The following CELF2 variants were observed in gnomAD, a reference collection of about 807,000 sequenced individuals.
CELF2 encodes CUG triplet repeat RNA-binding protein 2.
CELF2 carries 8 observed loss-of-function variants against 62.6 expected under a neutral mutation model. The ratio of observed to expected loss-of-function variants is 0.13; its 90% CI spans 0.07 to 0.23. The LOEUF (loss-of-function observed/expected upper bound fraction) is 0.23, where lower values mean the gene tolerates loss of function less well. CELF2 is among the 10% of genes least tolerant of loss of function. The pLI, the probability that CELF2 is intolerant of heterozygous loss-of-function variation, is 1.00. For synonymous variants in CELF2, 258 were observed against 250.0 expected, an observed-to-expected ratio of 1.03 and a Z score of -0.30; for missense variants, 333 against 671.0, an observed-to-expected ratio of 0.50 and a Z score of 5.56.
At chr10:10,861,375 A>G (rs1354271966) in intron 1 of CELF2, among the ~76,000 whole-genome samples, 1 of 152,222 alleles carries the variant, frequency 6.6e-6, no homozygotes, top group Non-Finnish European at 1.5e-5. Context: ...TGCCTGGCCA[A>G]GAATGTATTC....
At chr10:10,561,673 A>G in the CELF2 span, among the ~76,000 whole-genome samples, 1 of 152,138 alleles carries the variant, frequency 6.6e-6, no homozygotes, top group Non-Finnish European at 1.5e-5. Flanking sequence ...ATGGCCACTC[A>G]CCTCAGCCTC....
chr10:10,693,579 A>C, the CELF2 span, among the ~76,000 whole-genome samples: 1 of 151,132 alleles, frequency 6.6e-6, no homozygotes, highest in African/African-American at 2.4e-5. Context: ...TAGTTTCAGA[A>C]GGAATGGTAC....
intron 1 of CELF2, among the ~76,000 whole-genome samples, chr10:11,058,969 C>CG (rs2066037158): frequency 1.3e-5 from 2 of 152,098 alleles, no homozygotes; most frequent in Middle Eastern, 3.4e-3. Flanking sequence ...TTTGTTGAGA[C>CG]GGGGGGTTTC....
At chr10:10,782,797 C>T in the CELF2 span, among the ~76,000 whole-genome samples, 6 of 152,168 alleles carry the variant, frequency 3.9e-5, no homozygotes, top group South Asian at 4.1e-4. Flanking sequence ...GGTTAGTCTG[C>T]GGTTTCTCAG....
At chr10:10,736,850 G>A in the CELF2 span, among the ~76,000 whole-genome samples, 3 of 152,028 alleles carry the variant, frequency 2.0e-5, no homozygotes, top group Non-Finnish European at 2.9e-5. Context: ...TGTTTGGATC[G>A]TGATGATTGG....
chr10:10,913,847 G>A (rs761898970), intron 1 of CELF2, among the ~76,000 whole-genome samples: 1 of 126,318 alleles, frequency 7.9e-6, no homozygotes, highest in African/African-American at 3.0e-5. Flanking sequence ...AGGAAGGAAG[G>A]AGGGAAGGAG....
At chr10:10,529,098 G>A in the CELF2 span, among the ~76,000 whole-genome samples, 11 of 152,104 alleles carry the variant, frequency 7.2e-5, no homozygotes, top group Non-Finnish European at 1.5e-4. Context: ...CTCATTAATG[G>A]CAATTTAAAT....
At chr10:11,175,205 G>A (rs1477117818) in intron 2 of CELF2, among the ~76,000 whole-genome samples, 1 of 152,096 alleles carries the variant, frequency 6.6e-6, no homozygotes, top group South Asian at 2.1e-4. Context: ...GTTTTTGAAG[G>A]ATATCAAGGA....
the CELF2 span, among the ~76,000 whole-genome samples, chr10:10,682,908 AGAATG>A: frequency 3.6e-4 from 55 of 152,234 alleles, no homozygotes; most frequent in Non-Finnish European, 6.0e-4. Flanking sequence ...GTCTGTTTTG[AGAATG>A]GAAGCAGTCA....
At chr10:11,230,242 GATC>G (rs956341334) in intron 3 of CELF2, among the ~76,000 whole-genome samples, 4 of 152,212 alleles carry the variant, frequency 2.6e-5, no homozygotes, top group African/African-American at 9.7e-5. Flanking sequence ...GCTTGATTGT[GATC>G]ATCATTTCAC....
the CELF2 span, among the ~76,000 whole-genome samples, chr10:10,764,669 A>G: frequency 1.3e-5 from 2 of 152,144 alleles, no homozygotes; most frequent in Non-Finnish European, 2.9e-5. Context: ...TTAATTTCCC[A>G]TTCCTTCTAA....
At chr10:11,109,912 G>T (rs2054677179) in intron 1 of CELF2, among the ~76,000 whole-genome samples, 1 of 152,148 alleles carries the variant, frequency 6.6e-6, no homozygotes, top group Non-Finnish European at 1.5e-5. Flanking sequence ...AGGTGAGAGA[G>T]CAGTCTGACA....
In CELF2 at chr10:11,270,837, C is replaced by T; in HGVS notation, c.777+13C>T. 3 of 1,367,340 alleles carry T rather than the reference C, an allele frequency of 2.2e-6. No individual in the cohort carries two copies. Among genetic ancestry groups the T allele is most frequent in the Non-Finnish European group, 2.9e-6 (3 of 1,047,050 alleles). The allele number at this position is 1,367,340 out of a possible 1,614,324, so 84.7% of individuals were successfully genotyped here. A position where few individuals can be genotyped will look rare whatever the true frequency, so the allele number is the denominator to read the frequency against. ...ACAGTATCTGGCGGTAAGTGCTGGG[C>T]AATGCCGGCGTGGTCTTCACCCGCT... On this transcript the variant is annotated intron_variant, in intron 7 of 12. Transcript: ENST00000633077. This position sits in a 1 kb window ranked among gnomAD's most constrained non-coding sequence, Gnocchi z 5.8.
chr10:10,598,400 A>G, the CELF2 span, among the ~76,000 whole-genome samples: 1 of 152,230 alleles, frequency 6.6e-6, no homozygotes, highest in South Asian at 2.1e-4. Context: ...TGAGTTCTGT[A>G]CAAGGGCCAT....
the CELF2 span, among the ~76,000 whole-genome samples, chr10:10,671,921 G>C: frequency 1.3e-5 from 2 of 152,020 alleles, no homozygotes; most frequent in Non-Finnish European, 2.9e-5. Flanking sequence ...GTAGAGATAG[G>C]CTTTCCCCAT....
chr10:10,543,920 G>C, the CELF2 span, among the ~76,000 whole-genome samples: 1 of 152,184 alleles, frequency 6.6e-6, no homozygotes, highest in African/African-American at 2.4e-5. Flanking sequence ...CTTGAGAAAT[G>C]CATGCGCCCC....
chr10:10,771,204 G>C, the CELF2 span, among the ~76,000 whole-genome samples: 2 of 152,142 alleles, frequency 1.3e-5, no homozygotes, highest in Non-Finnish European at 2.9e-5. Context: ...AGGCAGCCAA[G>C]GTGACCTTTC....
chr10:10,536,261 G>T, the CELF2 span, among the ~76,000 whole-genome samples: 118 of 152,174 alleles, frequency 7.8e-4, 1 homozygote, highest in East Asian at 0.018. Context: ...CTTGTGATCT[G>T]CCCACCTTGG....
At chr10:10,709,891 T>C in the CELF2 span, among the ~76,000 whole-genome samples, 2 of 152,240 alleles carry the variant, frequency 1.3e-5, no homozygotes, top group Non-Finnish European at 2.9e-5. Flanking sequence ...TGGTATGTGT[T>C]TGACCAACCT....
Sources: allele counts gnomAD v4.1 joint callset (sites outside exome capture counted in the v4.1 genomes callset), GRCh38; gene constraint gnomAD v4.1.1; non-coding constraint Gnocchi (gnomAD v3.1); transcripts MANE v1.5; gene names NCBI Gene and HGNC (gene_info 2026-07-23, HGNC 2026-07-21).